The following ZNF169 variants were observed in gnomAD, a reference collection of about 807,000 sequenced individuals.
ZNF169 encodes zinc finger protein 169.
A neutral mutation model predicts 12.0 loss-of-function variants in ZNF169; 11 were observed. The observed-to-expected ratio is 0.92, with a 90% CI of 0.58 to 1.52. The LOEUF (loss-of-function observed/expected upper bound fraction) is 1.52. Among genes scored for constraint, ZNF169 ranks in the 40% most tolerant of loss-of-function variants. The probability of loss-of-function intolerance (pLI) is 0.00; values close to 1 mark genes in which losing one functional copy is unlikely to be tolerated. For synonymous variants in ZNF169, 302 were observed against 286.5 expected, an observed-to-expected ratio of 1.05 and a Z score of -0.55; for missense variants, 722 against 744.0, an observed-to-expected ratio of 0.97 and a Z score of 0.34.
rs553197830 is a variant in ZNF169, at chr9:94,287,907, C to T, written c.34-4434C>T. 5.4e-5 allele frequency: 51 copies of T among 950,518 alleles called. 1 individual carries two copies. In the South Asian group the frequency reaches 5.9e-4, roughly 11 times the overall value. The allele number at this position is 950,518 out of a possible 1,614,324, so 58.9% of individuals were successfully genotyped here. On this transcript the variant is annotated intron_variant, in intron 2 of 4. Coordinates refer to ENST00000395395, the MANE Select transcript of ZNF169 (RefSeq NM_194320.4). The stretch of plus-strand genomic sequence containing the variant: ...GGCTGCTATTCCGAAGCTAGTGTTA[C>T]TGTTTCCTGCTGTCCAGGCGAGATT...
At chr9:94,273,285 C>G (rs1013404282) in intron 1 of ZNF169, among the ~76,000 whole-genome samples, 2 of 151,048 alleles carry the variant, frequency 1.3e-5, no homozygotes, top group Non-Finnish European at 2.9e-5. Context: ...TTCCAGAAAT[C>G]ATTGTCAAGA....
chr9:94,270,852 A>T (rs12553782), intron 1 of ZNF169, among the ~76,000 whole-genome samples: 162 of 4,260 alleles, frequency 0.038, 18 homozygotes, highest in South Asian at 0.19. Context: ...ATATTATATA[A>T]ATATATATAA....
intron 1 of ZNF169, among the ~76,000 whole-genome samples, chr9:94,264,840 T>C (rs889224016): frequency 6.6e-6 from 1 of 152,190 alleles, no homozygotes; most frequent in Non-Finnish European, 1.5e-5. Flanking sequence ...CAGTAGTTTA[T>C]TCCTATTCCT....
In ZNF169 at chr9:94,301,562, G is replaced by A; in HGVS notation, c.*192G>A. On this transcript the variant is annotated 3_prime_UTR_variant, in exon 5 of 5. Transcript: ENST00000395395. ...TTCCATAACAAAGTACCCCAGGCTG[G>A]GTGATTTTGACAACGGAAATATATT... 1 of 1,037,010 alleles carries A rather than the reference G, an allele frequency of 9.6e-7. No homozygotes were observed. The highest frequency in any genetic ancestry group is 1.3e-6 in the Non-Finnish European group (1 of 758,806). The allele number at this position is 1,037,010 out of a possible 1,614,324, so 64.2% of individuals were successfully genotyped here. A position where few individuals can be genotyped will look rare whatever the true frequency, so the allele number is the denominator to read the frequency against.
chr9:94,260,101 T>C (rs997225936), intron 1 of ZNF169, among the ~76,000 whole-genome samples: 1 of 147,324 alleles, frequency 6.8e-6, no homozygotes, highest in Admixed American at 6.7e-5. Context: ...TGTTTTGTTT[T>C]GTTTTTTTGA....
intron 1 of ZNF169, among the ~76,000 whole-genome samples, chr9:94,265,031 T>TTG (rs1554713004): frequency 3.5e-5 from 5 of 143,170 alleles, no homozygotes; most frequent in African/African-American, 5.0e-5. Context: ...GTTTTTTTTT[T>TTG]TTTTTTTTTT....
At chr9:94,292,918 A>G in intron 3 of ZNF169, 56 bp from the exon 4 acceptor site, 1 of 1,492,372 alleles carries the variant, frequency 6.7e-7, no homozygotes, top group Non-Finnish European at 9.2e-7. Flanking sequence ...GAGTTCTGAG[A>G]TAGCCTCTTA....
chr9:94,289,966 A>G (rs1459184110), intron 2 of ZNF169, among the ~76,000 whole-genome samples: 1 of 152,220 alleles, frequency 6.6e-6, no homozygotes, highest in Admixed American at 6.5e-5. Flanking sequence ...TAAGAACAGA[A>G]TGCATATTCT....
At chr9:94,284,604 G>C (rs958870653) in intron 2 of ZNF169, among the ~76,000 whole-genome samples, 3 of 152,048 alleles carry the variant, frequency 2.0e-5, no homozygotes, top group African/African-American at 7.2e-5. Flanking sequence ...CTGTACATTT[G>C]CAATGAACTA....
intron 1 of ZNF169, among the ~76,000 whole-genome samples, chr9:94,278,546 C>T (rs916814945): frequency 2.0e-5 from 3 of 152,176 alleles, no homozygotes; most frequent in Non-Finnish European, 2.9e-5. Flanking sequence ...GGCTTCATTC[C>T]CTAACTAGAG....
At chr9:94,291,278 T>C (rs971834632) in intron 2 of ZNF169, among the ~76,000 whole-genome samples, 4 of 152,072 alleles carry the variant, frequency 2.6e-5, no homozygotes, top group South Asian at 2.1e-4. Flanking sequence ...GGTCTTGAAC[T>C]CCTGACCTCA....
intron 4 of ZNF169, 157 bp downstream of exon 4, chr9:94,293,226 G>A (rs1490030403): frequency 1.4e-6 from 1 of 694,784 alleles, no homozygotes; most frequent in Non-Finnish European, 2.6e-6. Flanking sequence ...CTTCCACACT[G>A]TGTGCCTCCC....
At chr9:94,293,269 C>T in intron 4 of ZNF169, 200 bp downstream of exon 4, 1 of 605,672 alleles carries the variant, frequency 1.7e-6, no homozygotes, top group East Asian at 2.7e-5. Context: ...ATTCCATCTC[C>T]TTCCTCCATC....
At chr9:94,293,238 C>T (rs1264449880) in intron 4 of ZNF169, 169 bp downstream of exon 4, 6 of 656,330 alleles carry the variant, frequency 9.1e-6, no homozygotes, top group Admixed American at 7.3e-5. Flanking sequence ...GTGCCTCCCC[C>T]CAGGACAGGG....
Position 94,268,878 on chromosome 9 carries a change from A to G in ZNF169, c.-56+9533A>G, listed in dbSNP as rs192776741. On this transcript the variant is annotated intron_variant, in intron 1 of 4. Transcript: ENST00000395395. ...CAGAGTAGCTTTTGTTGTAATAGCT[A>G]TTAATGAAGAAAACAGAATTCAGTC... 4.0e-3 allele frequency among the ~76,000 whole-genome samples: 602 copies of G among 152,234 alleles called. 2 individuals carry two copies. Among genetic ancestry groups the G allele is most frequent in the African/African-American group, 0.013 (532 of 41,538 alleles).
chr9:94,300,860 G>A lies in ZNF169; in HGVS notation c.1302G>A (p.Gln434=). Residue 434 remains glutamine (Q), a synonymous_variant, in exon 5 of 5, where the codon CAG becomes CAA. Coordinates refer to ENST00000395395, the MANE Select transcript of ZNF169 (RefSeq NM_194320.4). ...GGGAGAAGCCTTACCTGTGCCCCCA[G>A]TGTGGGCGGGGTTTTAGCCAGAAGG... ...HTGEKPYLCP[Q]CGRGFSQKVT... is the part of the protein sequence containing the mutation. The A allele has an allele frequency of 2.5e-6, 4 of 1,613,972 alleles. No homozygotes were observed. Among genetic ancestry groups the A allele is most frequent in the Middle Eastern group, 1.7e-4 (1 of 6,060 alleles).
rs1253494911 is a variant in ZNF169, at chr9:94,301,152, G to C, written c.1594G>C (p.Asp532His). 6.2e-7 allele frequency: 1 copy of C among 1,613,080 alleles called. No individual in the cohort carries two copies. Among genetic ancestry groups the C allele is most frequent in the African/African-American group, 1.3e-5 (1 of 74,674 alleles). The change falls in exon 5 of 5, where the codon GAC (aspartate) becomes CAC (histidine). Residue 532 changes from aspartate to histidine, a missense_variant. By Grantham distance (81) the Asp-to-His change is moderately conservative (BLOSUM62 -1). Transcript: ENST00000395395. ...GLGQKSHLISDQRTHSGEKPC... is the reference protein window; with the variant it reads ...GLGQKSHLISHQRTHSGEKPC... ...TGGCCAGAAGTCACACCTTATCTCTGACCAAAGGACACACTCAGGAGAGAA... is the reference window on the plus strand; with the variant it reads ...TGGCCAGAAGTCACACCTTATCTCTCACCAAAGGACACACTCAGGAGAGAA...
Position 94,300,692 on chromosome 9 carries a change from G to GT in ZNF169, c.1135dup (p.Cys379LeufsTer4). The GT allele has an allele frequency of 6.2e-7, 1 of 1,613,160 alleles. No homozygotes were observed. The highest frequency in any genetic ancestry group is 8.5e-7 in the Non-Finnish European group (1 of 1,179,638). ...GGGAGAGGCCCTTCCTGTGCCTTGA[G>GT]TGTGGGCGTAGCTTCAGGCAGCAGT... On this transcript the variant is annotated frameshift_variant, in exon 5 of 5. Coordinates refer to ENST00000395395, the MANE Select transcript of ZNF169 (RefSeq NM_194320.4). LOFTEE classifies it low-confidence loss of function (END_TRUNC).
In ZNF169 at chr9:94,299,905, C is replaced by T. The variant is rs754433074; in HGVS notation, c.347C>T (p.Pro116Leu). 8.7e-6 allele frequency: 14 copies of T among 1,614,096 alleles called. No homozygotes were observed. Among genetic ancestry groups the T allele is most frequent in the Non-Finnish European group, 1.2e-5 (14 of 1,180,032 alleles). The change falls in exon 5 of 5, where the codon CCC becomes CTC. Residue 116 changes from proline (P) to leucine (L), a missense_variant. Physicochemically the swap from Pro to Leu is moderately conservative, Grantham distance 98. Transcript: ENST00000395395. ...LLRQYALSGH[P>L]TQIFPSSSAG... is the part of the protein sequence containing the mutation. ...AGACAATATGCGCTAAGTGGCCATCCCACACAGATCTTCCCAAGCTCATCT... is the reference window on the plus strand; with the variant it reads ...AGACAATATGCGCTAAGTGGCCATCTCACACAGATCTTCCCAAGCTCATCT...
Sources: gnomAD v4.1 joint callset for allele counts (sites outside exome capture counted in the v4.1 genomes callset) on GRCh38, gnomAD v4.1.1 for gene constraint, MANE v1.5 for transcripts, NCBI Gene and HGNC (gene_info 2026-07-23, HGNC 2026-07-21) for gene names.